Variants in PTPRD observed in about 807,000 individuals in gnomAD.
The protein encoded by PTPRD is protein tyrosine phosphatase receptor type D.
A neutral mutation model predicts 214.5 loss-of-function variants in PTPRD; 34 were observed. The observed-to-expected ratio is 0.16, with a 90% CI of 0.12 to 0.21. The LOEUF (loss-of-function observed/expected upper bound fraction) is 0.21, where lower values mean the gene tolerates loss of function less well. Ranked by LOEUF, PTPRD falls within the 10% of genes least tolerant of loss-of-function variation. The pLI, the probability that PTPRD is intolerant of heterozygous loss-of-function variation, is 1.00. For synonymous variants in PTPRD, 1,128 were observed against 845.7 expected, an observed-to-expected ratio of 1.33 and a Z score of -5.79; for missense variants, 2,545 against 2,398.7, an observed-to-expected ratio of 1.06 and a Z score of -1.27.
chr9:10,061,729 C>G (rs2097780383), intron 3 of PTPRD, among the ~76,000 whole-genome samples: 1 of 152,024 alleles, frequency 6.6e-6, no homozygotes, highest in African/African-American at 2.4e-5. Flanking sequence ...ACAGAGGAAT[C>G]TGAAAATAGT....
At chr9:9,961,890 A>C (rs1395925983) in intron 4 of PTPRD, among the ~76,000 whole-genome samples, 1 of 152,172 alleles carries the variant, frequency 6.6e-6, no homozygotes, top group Non-Finnish European at 1.5e-5. Flanking sequence ...TGCTTTTAAA[A>C]ACAATTTCAT....
chr9:8,852,986 C>T (rs140310316), intron 11 of PTPRD, among the ~76,000 whole-genome samples: 12 of 152,092 alleles, frequency 7.9e-5, no homozygotes, highest in African/African-American at 2.7e-4. Context: ...GCAGTACACA[C>T]GGATGTAATA....
intron 2 of PTPRD, among the ~76,000 whole-genome samples, chr9:10,514,113 G>C (rs1259075833): frequency 2.6e-5 from 4 of 152,050 alleles, no homozygotes; most frequent in Non-Finnish European, 4.4e-5. Flanking sequence ...TATGGAACAA[G>C]TGAGTAAAGG....
intron 11 of PTPRD, among the ~76,000 whole-genome samples, chr9:8,855,147 T>C (rs935954105): frequency 1.3e-5 from 2 of 150,502 alleles, no homozygotes; most frequent in African/African-American, 4.9e-5. Flanking sequence ...TTTTTTTTAA[T>C]GTCTCTCTAG....
chr9:9,673,401 C>T lies in PTPRD; in HGVS notation c.-287+61132G>A, dbSNP rs549709397. Among the ~76,000 whole-genome samples, 452 of 151,670 alleles carry T rather than the reference C, an allele frequency of 3.0e-3. 2 individuals carry two copies. The highest frequency in any genetic ancestry group is 0.01 in the African/African-American group (427 of 41,454). ...TATGCTCAAATTATTAGATAGAACT[C>T]TGGAAAAAAAGGATAAACTTCCCAT... On this transcript the variant is annotated intron_variant, in intron 7 of 45. Transcript: ENST00000381196.
intron 3 of PTPRD, among the ~76,000 whole-genome samples, chr9:10,162,068 G>T (rs1045808379): frequency 6.6e-6 from 1 of 151,530 alleles, no homozygotes; most frequent in Non-Finnish European, 1.5e-5. Context: ...TGTGGAGAAA[G>T]GGGAACCCTT....
chr9:10,405,277 G>C (rs553094662), intron 2 of PTPRD, among the ~76,000 whole-genome samples: 1 of 151,612 alleles, frequency 6.6e-6, no homozygotes, highest in Admixed American at 6.6e-5. Flanking sequence ...ATGCATCTTG[G>C]TTTGATTATG....
chr9:10,111,338 A>C (rs2098690377), intron 3 of PTPRD, among the ~76,000 whole-genome samples: 1 of 131,298 alleles, frequency 7.6e-6, no homozygotes, highest in Non-Finnish European at 1.5e-5. Context: ...TCCTGGGTTC[A>C]TGCCATTCTC....
At chr9:9,150,689 G>A (rs192989256) in intron 10 of PTPRD, among the ~76,000 whole-genome samples, 50 of 151,942 alleles carry the variant, frequency 3.3e-4, no homozygotes, top group African/African-American at 1.1e-3. Flanking sequence ...GGCCGGGCTG[G>A]TCTCAAACTC....
intron 14 of PTPRD, among the ~76,000 whole-genome samples, chr9:8,567,027 G>A (rs1376984820): frequency 2.0e-5 from 3 of 152,026 alleles, no homozygotes; most frequent in Non-Finnish European, 2.9e-5. Context: ...CACCCCTCTC[G>A]AATGCTACCT....
intron 4 of PTPRD, among the ~76,000 whole-genome samples, chr9:10,012,294 G>A (rs1312446577): frequency 6.6e-6 from 1 of 151,696 alleles, no homozygotes. Flanking sequence ...TAACAAAAAG[G>A]GGGTAGGGTC....
At chr9:8,597,703 C>A (rs2094549504) in intron 14 of PTPRD, among the ~76,000 whole-genome samples, 2 of 152,048 alleles carry the variant, frequency 1.3e-5, no homozygotes, top group Admixed American at 1.3e-4. Context: ...TTTCTTTATT[C>A]AATATGGCCC....
intron 11 of PTPRD, among the ~76,000 whole-genome samples, chr9:8,891,439 T>A (rs75987407): frequency 1.1e-5 from 1 of 90,482 alleles, no homozygotes. Context: ...GTCAATCTAA[T>A]TTTTTTTTTT....
intron 11 of PTPRD, among the ~76,000 whole-genome samples, chr9:8,961,351 A>G (rs142842897): frequency 1.3e-5 from 2 of 152,154 alleles, no homozygotes; most frequent in Admixed American, 6.6e-5. Context: ...TTGAGGTCTT[A>G]CATTCTTTCC....
chr9:10,488,285 C>T (rs547396457), intron 2 of PTPRD, among the ~76,000 whole-genome samples: 6 of 149,798 alleles, frequency 4.0e-5, no homozygotes, highest in South Asian at 4.2e-4. Context: ...GAGAATGGCA[C>T]GAACCTGGGA....
Position 10,446,286 on chromosome 9 carries a change from T to C in PTPRD, c.-599-105269A>G, listed in dbSNP as rs367801453. On this transcript the variant is annotated intron_variant, in intron 2 of 45. Coordinates refer to ENST00000381196, the MANE Select transcript of PTPRD (RefSeq NM_002839.4). ...GAAAGAAGTGCAGGAAAAAATGGAA[T>C]ATGAAGAGAGTAGGAAAGGTCTGAA... Among the ~76,000 whole-genome samples, 66 of 151,980 alleles carry C rather than the reference T, an allele frequency of 4.3e-4. 1 individual carries two copies. In the South Asian group the frequency reaches 0.013, roughly 30 times the overall value.
intron 7 of PTPRD, among the ~76,000 whole-genome samples, chr9:9,579,552 T>A (rs535204423): frequency 6.6e-6 from 1 of 151,910 alleles, no homozygotes; most frequent in Non-Finnish European, 1.5e-5. Flanking sequence ...AAGCCCAGCA[T>A]GCATGATCTT....
intron 10 of PTPRD, among the ~76,000 whole-genome samples, chr9:9,149,473 C>T (rs1016431046): frequency 4.6e-5 from 7 of 152,108 alleles, no homozygotes; most frequent in Admixed American, 1.3e-4. Context: ...GGATCAGCTT[C>T]GAAAGAATTT....
intron 11 of PTPRD, among the ~76,000 whole-genome samples, chr9:8,900,210 A>G (rs1420991299): frequency 6.6e-6 from 1 of 152,224 alleles, no homozygotes; most frequent in Non-Finnish European, 1.5e-5. Flanking sequence ...CCTTGGTGAA[A>G]AAGCACCATT....
Sources: gnomAD v4.1 joint callset for allele counts (sites outside exome capture counted in the v4.1 genomes callset) on GRCh38, gnomAD v4.1.1 for gene constraint, MANE v1.5 for transcripts, NCBI Gene and HGNC (gene_info 2026-07-23, HGNC 2026-07-21) for gene names.